The following P2RY14 variants were observed in gnomAD, a reference collection of about 807,000 sequenced individuals.
P2RY14 encodes P2Y purinoceptor 14.
A neutral mutation model predicts 0.9 loss-of-function variants in P2RY14; 2 were observed. The ratio of observed to expected loss-of-function variants is 2.16; its 90% CI spans 0.88 to 6.79. The LOEUF (loss-of-function observed/expected upper bound fraction) is 6.79. Among genes scored for constraint, P2RY14 ranks in the 30% most tolerant of loss-of-function variants. The pLI, the probability that P2RY14 is intolerant of heterozygous loss-of-function variation, is 0.05. For missense variants in P2RY14, 378 were observed against 400.1 expected, an observed-to-expected ratio of 0.94 and a Z score of 0.47; for synonymous variants, 158 against 147.2, an observed-to-expected ratio of 1.07 and a Z score of -0.53.
At chr3:151,237,954 G>T (rs1733256859) in intron 1 of P2RY14, among the ~76,000 whole-genome samples, 2 of 151,824 alleles carry the variant, frequency 1.3e-5, no homozygotes, top group Non-Finnish European at 1.5e-5. Context: ...ATTTTGTTTG[G>T]TGTCTCTACT....
At chr3:151,243,125 C>A (rs1330474971) in intron 1 of P2RY14, among the ~76,000 whole-genome samples, 1 of 151,816 alleles carries the variant, frequency 6.6e-6, no homozygotes, top group Non-Finnish European at 1.5e-5. Context: ...GTGAAAAGAC[C>A]AAATCTATGT....
intron 2 of P2RY14, among the ~76,000 whole-genome samples, chr3:151,218,048 T>C (rs1450699595): frequency 6.6e-6 from 1 of 152,232 alleles, no homozygotes; most frequent in African/African-American, 2.4e-5. Flanking sequence ...CTCAGTCTCC[T>C]CTCCTTATCT....
In P2RY14 at chr3:151,213,727, A is replaced by G. The variant is rs1471754307; in HGVS notation, c.590T>C (p.Ile197Thr). 1.9e-6 allele frequency: 3 copies of G among 1,614,078 alleles called. No homozygotes were observed. Among genetic ancestry groups the G allele is most frequent in the Admixed American group, 3.3e-5 (2 of 60,002 alleles). ...GAAAACGATTAACAAAAGAAACACA[A>G]TCCAGAAGATGGCCACGAAGATGTA... ...SNYIFVAIFW[I>T]VFLLLIVFYT... Residue 197 changes from isoleucine to threonine, a missense_variant, in exon 3 of 3, where the codon ATT becomes ACT. Physicochemically the swap from Ile to Thr is moderately conservative, Grantham distance 89 (BLOSUM62 -1). Transcript: ENST00000309170.
At position 151,213,685 on chromosome 3, in the gene P2RY14, T is replaced by A; in HGVS notation, c.632A>T (p.Lys211Met). 1.2e-6 allele frequency: 2 copies of A among 1,614,206 alleles called. No homozygotes were observed. Among genetic ancestry groups the A allele is most frequent in the South Asian group, 1.1e-5 (1 of 91,082 alleles). The change falls in exon 3 of 3, where the codon AAG becomes ATG. Residue 211 changes from lysine (K) to methionine (M), a missense_variant. By Grantham distance (95) the Lys-to-Met change is moderately conservative (BLOSUM62 -1). Transcript: ENST00000309170. ...LLIVFYTAIT[K>M]KIFKSHLKSS... ...CTTAAGGTGGGACTTAAAGATTTTC[T>A]TTGTGATAGCAGTATAGAAAACGAT...
intron 1 of P2RY14, chr3:151,241,842 A>AC (rs1322728221): frequency 2.6e-5 from 4 of 154,508 alleles, no homozygotes; most frequent in African/African-American, 9.7e-5. Flanking sequence ...GACGCAGAAG[A>AC]CGGTGATTTC....
chr3:151,240,316 T>C (rs951247368), intron 1 of P2RY14, among the ~76,000 whole-genome samples: 7 of 152,220 alleles, frequency 4.6e-5, no homozygotes, highest in Admixed American at 2.6e-4. Context: ...TGTGATTTCT[T>C]TTTTGGACCT....
rs559525616 is a variant in P2RY14, at chr3:151,222,603, C to T, written c.-132-2961G>A. On this transcript the variant is annotated intron_variant, in intron 1 of 2. Transcript: ENST00000309170. ...GTCTGCCACCATGTGAGATGTGCTC[C>T]ACCATGATTGTGAAGCCTCCTCAGC... Among the ~76,000 whole-genome samples, 227 of 152,318 alleles carry T rather than the reference C, an allele frequency of 1.5e-3. 1 individual carries two copies. The highest frequency in any genetic ancestry group is 2.6e-3 in the Admixed American group (40 of 15,292).
At chr3:151,238,566 G>C (rs1178386253) in intron 1 of P2RY14, among the ~76,000 whole-genome samples, 3 of 152,130 alleles carry the variant, frequency 2.0e-5, no homozygotes, top group Admixed American at 6.5e-5. Flanking sequence ...TATTTTCATC[G>C]TGCTGAAATT....
intron 1 of P2RY14, among the ~76,000 whole-genome samples, chr3:151,262,147 A>G (rs1739035467): frequency 6.6e-6 from 1 of 152,262 alleles, no homozygotes; most frequent in Non-Finnish European, 1.5e-5. Flanking sequence ...GATAGCTAGA[A>G]AAATGTACAG....
At chr3:151,269,710 C>T (rs1740520206) in intron 1 of P2RY14, 1 of 417,418 alleles carries the variant, frequency 2.4e-6, no homozygotes, top group African/African-American at 2.1e-5. Context: ...TGATGAAAAT[C>T]TTTAGTTTGA....
At chr3:151,257,990 T>C (rs953761599) in intron 1 of P2RY14, among the ~76,000 whole-genome samples, 3 of 152,214 alleles carry the variant, frequency 2.0e-5, no homozygotes, top group African/African-American at 7.2e-5. Flanking sequence ...ACAATTTGTT[T>C]TGGCCACAAG....
In P2RY14 at chr3:151,254,483, T is replaced by G. The variant is rs540447906; in HGVS notation, c.-133+23804A>C. Among the ~76,000 whole-genome samples the G allele has an allele frequency of 2.0e-5, 3 of 152,372 alleles. No homozygotes were observed. In the South Asian group the frequency reaches 6.2e-4, roughly 32 times the overall value. ...GTTCTGCCTGCCCATTTGCCCATTT[T>G]CCCATTTATAATTAGTTGAGATATG... On this transcript the variant is annotated intron_variant, in intron 1 of 2. Transcript: ENST00000309170.
chr3:151,213,525 A>G lies in P2RY14; in HGVS notation c.792T>C (p.His264=). 3.1e-6 allele frequency: 5 copies of G among 1,614,194 alleles called. No homozygotes were observed. Among genetic ancestry groups the G allele is most frequent in the Non-Finnish European group, 4.2e-6 (5 of 1,180,026 alleles). ...AGATTTCTTTTGACTGGCAGCTGTA[A>G]TGAGCTTCGGTCTGACTCTTTGTGT... The part of the protein sequence containing the change: ...IPYTKSQTEA[H]YSCQSKEILR... The change falls in exon 3 of 3, where the codon CAT becomes CAC. Residue 264 remains histidine (H), a synonymous_variant. Coordinates refer to ENST00000309170, the MANE Select transcript of P2RY14 (RefSeq NM_014879.4).
At chr3:151,215,915 T>C (rs1392041929) in intron 2 of P2RY14, among the ~76,000 whole-genome samples, 2 of 152,228 alleles carry the variant, frequency 1.3e-5, no homozygotes, top group Non-Finnish European at 2.9e-5. Context: ...CTTTCATTTG[T>C]GTGGAAAACT....
chr3:151,223,303 A>G (rs1178044814), intron 1 of P2RY14, among the ~76,000 whole-genome samples: 1 of 152,120 alleles, frequency 6.6e-6, no homozygotes, highest in Admixed American at 6.6e-5. Context: ...AGAACTAAAC[A>G]TAAAATTACC....
intron 1 of P2RY14, among the ~76,000 whole-genome samples, chr3:151,247,677 G>A (rs1735910358): frequency 6.8e-6 from 1 of 146,890 alleles, no homozygotes; most frequent in African/African-American, 2.5e-5. Flanking sequence ...CGAGTTAGTG[G>A]GTGCAGTGCA....
At chr3:151,229,659 A>G (rs1428926262) in intron 1 of P2RY14, among the ~76,000 whole-genome samples, 1 of 151,510 alleles carries the variant, frequency 6.6e-6, no homozygotes, top group Admixed American at 6.6e-5. Flanking sequence ...TTGTATTTTT[A>G]GTAGAGATGG....
At chr3:151,237,842 C>T (rs1733238534) in intron 1 of P2RY14, among the ~76,000 whole-genome samples, 1 of 152,130 alleles carries the variant, frequency 6.6e-6, no homozygotes, top group South Asian at 2.1e-4. Context: ...TTCATATGAT[C>T]ACTGGTATTT....
At chr3:151,270,243 T>TG (rs1559964090) in intron 1 of P2RY14, 5 of 25,480 alleles carry the variant, frequency 2.0e-4, no homozygotes, top group African/African-American at 5.9e-4. Context: ...GTGTGTGTGT[T>TG]TTCTTTTGGG....
Sources: allele counts gnomAD v4.1 joint callset (sites outside exome capture counted in the v4.1 genomes callset), GRCh38; gene constraint gnomAD v4.1.1; transcripts MANE v1.5; gene names NCBI Gene and HGNC (gene_info 2026-07-23, HGNC 2026-07-21).